The following PFKFB4 variants were observed in gnomAD, a reference collection of about 807,000 sequenced individuals.
PFKFB4 encodes the protein 6-phosphofructo-2-kinase/fructose-2,6-biphosphatase 4.
PFKFB4 carries 42 observed loss-of-function variants against 62.8 expected under a neutral mutation model. The observed-to-expected ratio is 0.67, with a 90% CI of 0.52 to 0.86. The LOEUF (loss-of-function observed/expected upper bound fraction) is 0.86, where lower values mean the gene tolerates loss of function less well. Ranked by LOEUF, PFKFB4 falls within the 40% of genes least tolerant of loss-of-function variation. The pLI is 0.00. For missense variants in PFKFB4, 475 were observed against 627.2 expected, an observed-to-expected ratio of 0.76 and a Z score of 2.59; for synonymous variants, 204 against 240.7, an observed-to-expected ratio of 0.85 and a Z score of 1.41.
chr3:48,559,898 C>CCACACACACACACACACACACACACA (rs34826551), upstream of PFKFB4: 1 of 190,898 alleles, frequency 5.2e-6, no homozygotes, highest in Non-Finnish European at 1.0e-5. Flanking sequence ...AACCATCCCA[C>CCACACACACACACACACACACACACA]CACACACACA....
At position 48,535,638 on chromosome 3, in the gene PFKFB4, C is replaced by T; in HGVS notation, c.861G>A (p.Gln287=). The T allele has an allele frequency of 6.2e-7, 1 of 1,614,178 alleles. No individual in the cohort carries two copies. The highest frequency in any genetic ancestry group is 8.5e-7 in the Non-Finnish European group (1 of 1,180,024). Residue 287 remains glutamine, a synonymous_variant, in exon 9 of 14, where the codon CAG becomes CAA. Coordinates refer to ENST00000232375, the MANE Select transcript of PFKFB4 (RefSeq NM_004567.4). ...CCTTGATATTTTGGTCACTGATGAACTGGGCTAGACTCTTGGCAAACTGAA... is the reference window on the plus strand; with the variant it reads ...CCTTGATATTTTGGTCACTGATGAATTGGGCTAGACTCTTGGCAAACTGAA... ...RGREFAKSLA[Q]FISDQNIKDL...
Position 48,518,647 on chromosome 3 carries a change from A to T in PFKFB4, c.*1100T>A, listed in dbSNP as rs1394732737. 6.6e-6 allele frequency: 1 copy of T among 152,246 alleles called. No individual in the cohort carries two copies. The highest frequency in any genetic ancestry group is 1.5e-5 in the Non-Finnish European group (1 of 68,070). 9.4% of individuals were successfully genotyped at this position (152,246 alleles called of 1,614,324 possible). On this transcript the variant is annotated 3_prime_UTR_variant, in exon 14 of 14. Coordinates refer to ENST00000232375, the MANE Select transcript of PFKFB4 (RefSeq NM_004567.4). ...AATGGAAGGCTGTGCTGCGGCCGGG[A>T]AAATCCTCCCTTGCCCAGGGACTGC...
intron 9 of PFKFB4, among the ~76,000 whole-genome samples, chr3:48,534,011 G>T (rs2042513968): frequency 6.6e-6 from 1 of 152,158 alleles, no homozygotes; most frequent in African/African-American, 2.4e-5. Context: ...CAAGCATAAT[G>T]AAGAAATAAT....
At chr3:48,522,075 A>G (rs2042114301) in intron 12 of PFKFB4, 25 bp from the exon 13 acceptor site, 1 of 1,609,632 alleles carries the variant, frequency 6.2e-7, no homozygotes, top group Non-Finnish European at 8.5e-7. Context: ...ATGCAAATCC[A>G]TCCCCACTCC....
upstream of PFKFB4, chr3:48,562,959 A>C (rs781418790): frequency 2.5e-6 from 4 of 1,606,140 alleles, no homozygotes; most frequent in East Asian, 6.7e-5. This position sits in a 1 kb window ranked among gnomAD's most constrained non-coding sequence, Gnocchi z 4.3. Flanking sequence ...TGGGCAGCCC[A>C]CGGCCATGTG....
chr3:48,555,804 T>C (rs1200807416), intron 1 of PFKFB4, among the ~76,000 whole-genome samples: 1 of 151,796 alleles, frequency 6.6e-6, no homozygotes, highest in Non-Finnish European at 1.5e-5. Context: ...ATCGGGAGGT[T>C]GAGGTGGGAG....
At chr3:48,520,759 C>T (rs912380663) in intron 13 of PFKFB4, among the ~76,000 whole-genome samples, 3 of 152,242 alleles carry the variant, frequency 2.0e-5, no homozygotes, top group East Asian at 3.8e-4. Flanking sequence ...CAGAAGCACC[C>T]ACCCATAGTG....
chr3:48,531,423 G>A (rs538182707), intron 9 of PFKFB4, among the ~76,000 whole-genome samples: 5 of 151,008 alleles, frequency 3.3e-5, no homozygotes, highest in Non-Finnish European at 5.9e-5. Flanking sequence ...CTTGAACCCG[G>A]GAAGCAGAAA....
At chr3:48,555,797 G>A (rs571374833) in intron 1 of PFKFB4, among the ~76,000 whole-genome samples, 2 of 152,160 alleles carry the variant, frequency 1.3e-5, no homozygotes, top group Admixed American at 6.5e-5. Flanking sequence ...CCAGCTAATC[G>A]GGAGGTTGAG....
chr3:48,540,596 T>G (rs1382192778), intron 4 of PFKFB4, among the ~76,000 whole-genome samples: 1 of 152,070 alleles, frequency 6.6e-6, no homozygotes, highest in African/African-American at 2.4e-5. Flanking sequence ...TACAGCATCA[T>G]TTTTTTGTTT....
chr3:48,534,386 AC>A (rs2107514879), intron 9 of PFKFB4, among the ~76,000 whole-genome samples: 1 of 152,284 alleles, frequency 6.6e-6, no homozygotes, highest in South Asian at 2.1e-4. Flanking sequence ...ATCTCAATAA[AC>A]CCCAAGGATG....
rs895034623 is a variant in PFKFB4, at chr3:48,519,631, G to A, written c.*116C>T. ...GGGCTCTGGGTTCCGCCAGCCATGT[G>A]TGGCTTCAAGAATATCCCTGCATGG... On this transcript the variant is annotated 3_prime_UTR_variant, in exon 14 of 14. Coordinates refer to ENST00000232375, the MANE Select transcript of PFKFB4 (RefSeq NM_004567.4). The A allele has an allele frequency of 2.4e-6, 2 of 820,190 alleles. No homozygotes were observed. Among genetic ancestry groups the A allele is most frequent in the South Asian group, 3.1e-5 (2 of 64,108 alleles). 50.8% of individuals were successfully genotyped at this position (820,190 alleles called of 1,614,324 possible).
At chr3:48,551,059 ATCCATGTGCCACAGG>A (rs898071632) in intron 1 of PFKFB4, among the ~76,000 whole-genome samples, 15 of 152,120 alleles carry the variant, frequency 9.9e-5, no homozygotes, top group African/African-American at 3.6e-4. Context: ...ACCCACCACC[ATCCATGTGCCACAGG>A]TCAGTGTGCC....
chr3:48,532,738 A>C (rs1187492119), intron 9 of PFKFB4, among the ~76,000 whole-genome samples: 1 of 152,170 alleles, frequency 6.6e-6, no homozygotes, highest in East Asian at 1.9e-4. Flanking sequence ...TGTTAGTCCC[A>C]GCTACTAGGG....
At chr3:48,546,019 G>C (rs1212011356) in intron 3 of PFKFB4, among the ~76,000 whole-genome samples, 1 of 150,294 alleles carries the variant, frequency 6.7e-6, no homozygotes, top group Admixed American at 6.6e-5. Flanking sequence ...GTGTGTGTGC[G>C]TGTGTGTGTG....
rs1276887975 is a variant in PFKFB4 at position 48,550,195 on chromosome 3, C to T, written c.137G>A (p.Gly46Asp). 6.2e-7 allele frequency: 1 copy of T among 1,614,080 alleles called. No homozygotes were observed. The highest frequency in any genetic ancestry group is 2.2e-5 in the East Asian group (1 of 44,876). The stretch of plus-strand genomic sequence containing the variant: ...GTAGGTCTTGCCCCTGGCGGGCAGG[C>T]CCACCATGACAATGAGAGTTGGGCA... The part of the protein sequence containing the change: ...TNCPTLIVMV[G>D]LPARGKTYIS... The change falls in exon 2 of 14, where the codon GGC (glycine) becomes GAC (aspartate). Residue 46 changes from glycine (G) to aspartate (D), a missense_variant. Transcript: ENST00000232375.
upstream of PFKFB4, chr3:48,559,548 G>A (rs145177118): frequency 9.5e-4 from 436 of 457,136 alleles, no homozygotes; most frequent in African/African-American, 8.0e-3. Flanking sequence ...TGGAGATGCT[G>A]TCCCAGCGTC....
chr3:48,542,045 A>C (rs576649879), intron 4 of PFKFB4, among the ~76,000 whole-genome samples: 1 of 152,324 alleles, frequency 6.6e-6, no homozygotes, highest in South Asian at 2.1e-4. Flanking sequence ...ACCAAAAAAA[A>C]CAGAGAAAAT....
At position 48,527,195 on chromosome 3, in the gene PFKFB4, A is replaced by G. The variant is rs2107477899; in HGVS notation, c.988-1526T>C. Among the ~76,000 whole-genome samples, 3 of 151,762 alleles carry G rather than the reference A, an allele frequency of 2.0e-5. No homozygotes were observed. The Middle Eastern group carries it at 0.01, about 531-fold the overall frequency. Reference sequence around the variant, plus strand: ...AGCCTCCAGAACTGTGAGAGAATCAATTCATGTTGTTTTAAGCCACTCACC... The same window carrying G: ...AGCCTCCAGAACTGTGAGAGAATCAGTTCATGTTGTTTTAAGCCACTCACC... On this transcript the variant is annotated intron_variant, in intron 9 of 13. Coordinates refer to ENST00000232375, the MANE Select transcript of PFKFB4 (RefSeq NM_004567.4).
Sources: gnomAD v4.1 joint callset for allele counts (sites outside exome capture counted in the v4.1 genomes callset) on GRCh38, gnomAD v4.1.1 for gene constraint, Gnocchi (gnomAD v3.1) non-coding constraint, MANE v1.5 for transcripts, NCBI Gene and HGNC (gene_info 2026-07-23, HGNC 2026-07-21) for gene names.